EPS8: variants seen among roughly 807,000 people sequenced by gnomAD.
The protein encoded by EPS8 is epidermal growth factor receptor kinase substrate 8.
Under a neutral mutation model 103.8 loss-of-function variants are expected in EPS8, and 42 were observed. The observed-to-expected ratio is 0.40, with a 90% CI of 0.32 to 0.52. The LOEUF (loss-of-function observed/expected upper bound fraction) is 0.52. Ranked by LOEUF, EPS8 falls within the 20% of genes least tolerant of loss-of-function variation. The probability of loss-of-function intolerance (pLI) is 0.40; values close to 1 mark genes in which losing one functional copy is unlikely to be tolerated. For missense variants in EPS8, 969 were observed against 1,005.1 expected (o/e 0.96, Z 0.49); for synonymous variants, 344 against 344.6 (o/e 1.00, Z 0.02).
intron 3 of EPS8, among the ~76,000 whole-genome samples, chr12:15,678,690 A>G (rs1223097082): frequency 1.3e-5 from 2 of 152,142 alleles, no homozygotes; most frequent in African/African-American, 4.8e-5. Flanking sequence ...ACCTGAGGTA[A>G]TCCATCTGCC....
rs547906637 is a variant in EPS8, at chr12:15,684,520, T to C, written c.-21-1548A>G. 1.3e-5 allele frequency among the ~76,000 whole-genome samples: 2 copies of C among 152,328 alleles called. No homozygotes were observed. Among genetic ancestry groups the C allele is most frequent in the African/African-American group, 4.8e-5 (2 of 41,576 alleles). ...GAATAGGTGTTCATTAAATATTTATTCAAAGAAAGAAAGAAGGAAATCCAT... is the reference window on the plus strand; with the variant it reads ...GAATAGGTGTTCATTAAATATTTATCCAAAGAAAGAAAGAAGGAAATCCAT... On this transcript the variant is annotated intron_variant, in intron 1 of 20. Transcript: ENST00000281172. The surrounding 1 kb of genome is among the most constrained non-coding windows in gnomAD (Gnocchi z 4.9).
rs1486996813 is a variant in EPS8, at chr12:15,721,277, A to G, written c.-21-38305T>C. On this transcript the variant is annotated intron_variant, in intron 1 of 20. Coordinates refer to ENST00000281172, the MANE Select transcript of EPS8 (RefSeq NM_004447.6). This position sits in a 1 kb window ranked among gnomAD's most constrained non-coding sequence, Gnocchi z 4.4. The stretch of plus-strand genomic sequence containing the variant: ...ACCCATGTCTGTAATATACAGTCAT[A>G]TGCCATTCCCCACTCACAAAAATAA... Among the ~76,000 whole-genome samples the G allele has an allele frequency of 1.3e-5, 2 of 152,228 alleles. No homozygotes were observed. Among genetic ancestry groups the G allele is most frequent in the East Asian group, 3.8e-4 (2 of 5,196 alleles).
rs944679207 is a variant in EPS8, at chr12:15,785,266, CTG to C, written c.-22+3893_-22+3894del. Reference sequence around the variant, plus strand: ...GACTAACTCTAGAAATGAGTAGAAGCTGTGAGACTAAAAGCAAAAGGAATAGT... The same window carrying C: ...GACTAACTCTAGAAATGAGTAGAAGCTGAGACTAAAAGCAAAAGGAATAGT... On this transcript the variant is annotated intron_variant, in intron 1 of 20. Coordinates refer to ENST00000281172, the MANE Select transcript of EPS8 (RefSeq NM_004447.6). The surrounding 1 kb of genome is among the most constrained non-coding windows in gnomAD (Gnocchi z 4.9). Among the ~76,000 whole-genome samples, 8 of 152,114 alleles carry C rather than the reference CTG, an allele frequency of 5.3e-5. No individual in the cohort carries two copies. Among genetic ancestry groups the C allele is most frequent in the Non-Finnish European group, 8.8e-5 (6 of 67,958 alleles).
chr12:15,689,451 G>A (rs1317479274), intron 1 of EPS8, among the ~76,000 whole-genome samples: 1 of 152,010 alleles, frequency 6.6e-6, no homozygotes, highest in Non-Finnish European at 1.5e-5. Context: ...CAGCTGGGTG[G>A]GAAGATGGAA....
intron 3 of EPS8, among the ~76,000 whole-genome samples, chr12:15,674,965 C>T (rs1003174235): frequency 2.6e-5 from 4 of 152,034 alleles, no homozygotes; most frequent in African/African-American, 9.7e-5. Flanking sequence ...TAAAAAATTG[C>T]TTGGGCTTTA....
In EPS8 at chr12:15,764,714, G is replaced by C. The variant is rs1474461951; in HGVS notation, c.-22+24447C>G. 1.3e-5 allele frequency among the ~76,000 whole-genome samples: 2 copies of C among 152,106 alleles called. No individual in the cohort carries two copies. The highest frequency in any genetic ancestry group is 2.4e-5 in the African/African-American group (1 of 41,408). ...TGACGTCAGCAATTCTGAGGTGCTA[G>C]ATCTTAGGGAAAGGGAAAGGTTCAG... On this transcript the variant is annotated intron_variant, in intron 1 of 20. Coordinates refer to ENST00000281172, the MANE Select transcript of EPS8 (RefSeq NM_004447.6). This position sits in a 1 kb window ranked among gnomAD's most constrained non-coding sequence, Gnocchi z 4.1.
chr12:15,647,437 T>C (rs1055729773), intron 14 of EPS8, among the ~76,000 whole-genome samples, 177 bp from the exon 15 acceptor site: 1 of 152,212 alleles, frequency 6.6e-6, no homozygotes, highest in Non-Finnish European at 1.5e-5. Flanking sequence ...TACTTACTTA[T>C]AATAAGAAAA....
At chr12:15,763,819 T>C (rs944562996) in intron 1 of EPS8, among the ~76,000 whole-genome samples, 4 of 152,170 alleles carry the variant, frequency 2.6e-5, no homozygotes, top group East Asian at 1.9e-4. Context: ...AGAACATACA[T>C]AATCCAATGC....
intron 3 of EPS8, among the ~76,000 whole-genome samples, chr12:15,673,649 A>G (rs1945854007): frequency 6.6e-6 from 1 of 152,140 alleles, no homozygotes; most frequent in African/African-American, 2.4e-5. Flanking sequence ...ACAGTGTGCA[A>G]CTCATCTACT....
intron 4 of EPS8, among the ~76,000 whole-genome samples, chr12:15,670,113 T>A (rs1372272455): frequency 1.3e-5 from 2 of 152,174 alleles, no homozygotes; most frequent in Non-Finnish European, 2.9e-5. Flanking sequence ...TCTTAACAGC[T>A]TAAATAATAT....
chr12:15,750,201 T>C (rs559644669), intron 1 of EPS8, among the ~76,000 whole-genome samples: 4 of 152,202 alleles, frequency 2.6e-5, no homozygotes, highest in Non-Finnish European at 4.4e-5. Flanking sequence ...TTTTAGTTCA[T>C]AGCTAACAAA....
chr12:15,659,027 T>G (rs895963992), intron 10 of EPS8, among the ~76,000 whole-genome samples: 3 of 152,102 alleles, frequency 2.0e-5, no homozygotes, highest in African/African-American at 7.2e-5. Context: ...AAGATGGGAT[T>G]TGAAAAAGTT....
In EPS8 at chr12:15,695,388, C is replaced by T. The variant is rs973759481; in HGVS notation, c.-21-12416G>A. Among the ~76,000 whole-genome samples, 4 of 152,304 alleles carry T rather than the reference C, an allele frequency of 2.6e-5. No individual in the cohort carries two copies. In the East Asian group the frequency reaches 7.7e-4, roughly 29 times the overall value. On this transcript the variant is annotated intron_variant, in intron 1 of 20. Coordinates refer to ENST00000281172, the MANE Select transcript of EPS8 (RefSeq NM_004447.6). This position sits in a 1 kb window ranked among gnomAD's most constrained non-coding sequence, Gnocchi z 5.0. ...ACCAGAATGTGCCCATCAGTGCTCTCGCACAGTCCCATACAACTTCCTAGA... is the reference window on the plus strand; with the variant it reads ...ACCAGAATGTGCCCATCAGTGCTCTTGCACAGTCCCATACAACTTCCTAGA...
intron 1 of EPS8, among the ~76,000 whole-genome samples, chr12:15,685,536 C>G (rs1297032565): frequency 6.6e-6 from 1 of 152,120 alleles, no homozygotes; most frequent in Admixed American, 6.6e-5. Flanking sequence ...TCATGACAAT[C>G]AAATAAATGC....
intron 1 of EPS8, chr12:15,683,706 C>A (rs1946047290): frequency 1.3e-5 from 2 of 152,084 alleles, no homozygotes; most frequent in Non-Finnish European, 2.9e-5. Context: ...TCAAACAAGA[C>A]AAATAATTAG....
intron 1 of EPS8, among the ~76,000 whole-genome samples, chr12:15,740,107 G>A (rs776644322): frequency 6.6e-6 from 1 of 151,918 alleles, no homozygotes; most frequent in Non-Finnish European, 1.5e-5. Context: ...TAGAAATCTT[G>A]TGAGCAAAAC....
In EPS8 at chr12:15,623,150, A is replaced by G; in HGVS notation, c.2355+8T>C. The G allele has an allele frequency of 1.9e-6, 3 of 1,599,200 alleles. No individual in the cohort carries two copies. Among genetic ancestry groups the G allele is most frequent in the Middle Eastern group, 1.7e-4 (1 of 5,966 alleles). On this transcript the variant is annotated splice_region_variant and intron_variant, in intron 20 of 20. Transcript: ENST00000281172. ...AGAAAAACACCACCTTAGGTTGACA[A>G]GTCATACCTCCAATGCAGCTTTTTG... is the stretch of plus-strand genomic sequence containing the variant.
chr12:15,735,355 C>T lies in EPS8; in HGVS notation c.-21-52383G>A, dbSNP rs747381810. On this transcript the variant is annotated intron_variant, in intron 1 of 20. Transcript: ENST00000281172. This position sits in a 1 kb window ranked among gnomAD's most constrained non-coding sequence, Gnocchi z 4.4. ...TCTTCCCTATACTTTTTTGCTCCCT[C>T]TTTTTTATCAAGATTCAAAATTATA... Among the ~76,000 whole-genome samples the T allele has an allele frequency of 3.9e-5, 6 of 152,226 alleles. No individual in the cohort carries two copies. The highest frequency in any genetic ancestry group is 2.0e-4 in the Admixed American group (3 of 15,296).
intron 9 of EPS8, among the ~76,000 whole-genome samples, chr12:15,661,610 A>T (rs1424168679): frequency 2.6e-5 from 4 of 152,224 alleles, no homozygotes; most frequent in East Asian, 1.9e-4. Context: ...TTACAAATCT[A>T]TCCTTTAAAA....
Sources: allele counts gnomAD v4.1 joint callset (sites outside exome capture counted in the v4.1 genomes callset), GRCh38; gene constraint gnomAD v4.1.1; non-coding constraint Gnocchi (gnomAD v3.1); transcripts MANE v1.5; gene names NCBI Gene and HGNC (gene_info 2026-07-23, HGNC 2026-07-21).